The following CRADD variants were observed in gnomAD, a reference collection of about 807,000 sequenced individuals.
CRADD encodes the protein CARD and death domain containing adaptor protein, also known as death domain-containing protein CRADD.
In CRADD, 9 loss-of-function variants were observed where a neutral mutation model predicts 15.5. The observed-to-expected ratio is 0.58, with a 90% CI of 0.35 to 1.01. The LOEUF (loss-of-function observed/expected upper bound fraction) is 1.01, where lower values mean the gene tolerates loss of function less well. Ranked by LOEUF, CRADD falls within the 50% of genes least tolerant of loss-of-function variation. CRADD has a pLI of 0.02. For synonymous variants in CRADD, 118 were observed against 107.6 expected (o/e 1.10, Z -0.60); for missense variants, 227 against 250.3 (o/e 0.91, Z 0.63).
At chr12:93,813,626 G>A (rs1198259010) in intron 2 of CRADD, among the ~76,000 whole-genome samples, 2 of 152,134 alleles carry the variant, frequency 1.3e-5, no homozygotes, top group Non-Finnish European at 2.9e-5. Context: ...ATGTATCAGA[G>A]TGTGTATGAC....
intron 2 of CRADD, among the ~76,000 whole-genome samples, chr12:93,887,164 T>C (rs1172665287): frequency 6.6e-6 from 1 of 152,164 alleles, no homozygotes; most frequent in Non-Finnish European, 1.5e-5. Context: ...TGGGGAAATA[T>C]GAGAATTACA....
intron 2 of CRADD, among the ~76,000 whole-genome samples, chr12:93,890,811 TGCAGTG>T: frequency 6.6e-6 from 1 of 150,882 alleles, no homozygotes; most frequent in Non-Finnish European, 1.5e-5. Context: ...CAGGCTAGAG[TGCAGTG>T]GCACTATTTG....
chr12:93,704,987 C>T (rs1389755278), intron 2 of CRADD, among the ~76,000 whole-genome samples: 1 of 152,230 alleles, frequency 6.6e-6, no homozygotes, highest in Admixed American at 6.5e-5. Flanking sequence ...AAATTAGCCA[C>T]CTCCCAAGTC....
At chr12:93,842,486 G>A (rs918488161) in intron 2 of CRADD, among the ~76,000 whole-genome samples, 3 of 152,150 alleles carry the variant, frequency 2.0e-5, no homozygotes, top group Non-Finnish European at 4.4e-5. Flanking sequence ...AAAGGTGTAC[G>A]TTGAGTTCCC....
At chr12:93,838,548 T>C (rs1260192689) in intron 2 of CRADD, among the ~76,000 whole-genome samples, 1 of 120,860 alleles carries the variant, frequency 8.3e-6, no homozygotes, top group East Asian at 3.7e-4. Context: ...CCTCCCTTGC[T>C]TCTCTCTTTC....
intron 2 of CRADD, among the ~76,000 whole-genome samples, chr12:93,787,152 T>TA (rs1491217237): frequency 8.3e-6 from 1 of 120,826 alleles, no homozygotes; most frequent in African/African-American, 3.2e-5. Flanking sequence ...TTTTTTTTTT[T>TA]ACCCTAGTGG....
intron 2 of CRADD, among the ~76,000 whole-genome samples, chr12:93,840,350 G>A (rs996396520): frequency 6.6e-6 from 1 of 151,874 alleles, no homozygotes; most frequent in African/African-American, 2.4e-5. Context: ...ATTATGTTTT[G>A]TATTTGATTA....
intron 2 of CRADD, among the ~76,000 whole-genome samples, chr12:93,718,034 A>G (rs1225523242): frequency 1.3e-5 from 2 of 151,934 alleles, no homozygotes. Flanking sequence ...CCATTCATCT[A>G]TTTGTCTGTT....
At chr12:93,809,991 C>A (rs776685018) in intron 2 of CRADD, among the ~76,000 whole-genome samples, 7 of 152,150 alleles carry the variant, frequency 4.6e-5, no homozygotes, top group Non-Finnish European at 7.3e-5. Flanking sequence ...GTTGTACAAA[C>A]CTTTTAAAGA....
intron 2 of CRADD, among the ~76,000 whole-genome samples, chr12:93,818,156 G>A (rs578175884): frequency 1.1e-4 from 16 of 152,270 alleles, no homozygotes; most frequent in African/African-American, 3.1e-4. Context: ...ACAAGGACAC[G>A]AACATGCATG....
intron 2 of CRADD, among the ~76,000 whole-genome samples, chr12:93,839,816 G>A (rs1287256214): frequency 1.3e-5 from 2 of 152,116 alleles, no homozygotes. Flanking sequence ...CCTAGATAGT[G>A]TTTCCCTTAT....
Position 93,850,136 on chromosome 12 carries a change from C to G in CRADD, c.465C>G (p.Asn155Lys). 2 of 1,614,152 alleles carry G rather than the reference C, an allele frequency of 1.2e-6. No homozygotes were observed. The highest frequency in any genetic ancestry group is 1.7e-6 in the Non-Finnish European group (2 of 1,179,972). Residue 155 changes from asparagine to lysine, a missense_variant, in exon 3 of 3, where the codon AAC becomes AAG. Physicochemically the swap from Asn to Lys is moderately conservative, Grantham distance 94 (BLOSUM62 0). Transcript: ENST00000332896. The surrounding 1 kb of genome is among the most constrained non-coding windows in gnomAD (Gnocchi z 4.0). ...GCTGTAAGGCCAACCACCCCCACAA[C>G]GTGCAGTCGCAGGTGGTGGAGGCCT... Reference protein sequence around the residue: ...IYRCKANHPHNVQSQVVEAFI... With the variant: ...IYRCKANHPHKVQSQVVEAFI...
At chr12:93,731,935 G>A (rs1347621631) in intron 2 of CRADD, among the ~76,000 whole-genome samples, 4 of 152,108 alleles carry the variant, frequency 2.6e-5, no homozygotes, top group Admixed American at 2.0e-4. Context: ...TCGGGAGTTC[G>A]AGACCAGATT....
At chr12:93,749,637 T>C (rs950449913) in intron 2 of CRADD, among the ~76,000 whole-genome samples, 1 of 152,228 alleles carries the variant, frequency 6.6e-6, no homozygotes, top group Admixed American at 6.5e-5. Flanking sequence ...ACTATCATCA[T>C]TAATTAAAGA....
chr12:93,761,565 T>C (rs1341116523), intron 2 of CRADD, among the ~76,000 whole-genome samples: 1 of 152,038 alleles, frequency 6.6e-6, no homozygotes, highest in African/African-American at 2.4e-5. Context: ...GTGGTACAGG[T>C]GGGAGGAGGA....
chr12:93,721,567 C>G (rs1956264890), intron 2 of CRADD, among the ~76,000 whole-genome samples: 1 of 152,112 alleles, frequency 6.6e-6, no homozygotes, highest in African/African-American at 2.4e-5. Context: ...TGCATCTGTA[C>G]TGCACATGTA....
chr12:93,846,216 T>G lies in CRADD; in HGVS notation c.299-3754T>G, dbSNP rs975856147. Among the ~76,000 whole-genome samples the G allele has an allele frequency of 2.6e-5, 4 of 152,240 alleles. No homozygotes were observed. The East Asian group carries it at 7.7e-4, about 29-fold the overall frequency. ...CTCAGTTTGCTTCCACCTTTGGCTA[T>G]TGTGAATAACGCTGCTATGAACATA... On this transcript the variant is annotated intron_variant, in intron 2 of 2. Transcript: ENST00000332896.
chr12:93,694,374 T>A (rs1955648800), intron 2 of CRADD, among the ~76,000 whole-genome samples: 1 of 152,032 alleles, frequency 6.6e-6, no homozygotes, highest in East Asian at 1.9e-4. Flanking sequence ...TACTCAACAG[T>A]GGAAAACTGA....
chr12:93,678,723 A>G, intron 1 of CRADD, 46 bp from the exon 2 acceptor site: 1 of 1,575,036 alleles, frequency 6.3e-7, no homozygotes. Flanking sequence ...CTTTAGGGCC[A>G]CATCAACATG....
Sources: allele counts gnomAD v4.1 joint callset (sites outside exome capture counted in the v4.1 genomes callset), GRCh38; gene constraint gnomAD v4.1.1; non-coding constraint Gnocchi (gnomAD v3.1); transcripts MANE v1.5; gene names NCBI Gene and HGNC (gene_info 2026-07-23, HGNC 2026-07-21).